The following FBXL7 variants were observed in gnomAD, a reference collection of about 807,000 sequenced individuals.
The protein encoded by FBXL7 is F-box and leucine rich repeat protein 7.
Under a neutral mutation model 38.3 loss-of-function variants are expected in FBXL7, and 12 were observed. The observed-to-expected ratio is 0.31, with a 90% CI of 0.20 to 0.51. The LOEUF (loss-of-function observed/expected upper bound fraction) is 0.51. Among genes scored for constraint, FBXL7 ranks in the 20% least tolerant of loss-of-function variants. The probability of loss-of-function intolerance (pLI) is 0.98; values close to 1 mark genes in which losing one functional copy is unlikely to be tolerated. For missense variants in FBXL7, 567 were observed against 676.4 expected (o/e 0.84, Z 1.79); for synonymous variants, 297 against 300.9 (o/e 0.99, Z 0.13).
intron 2 of FBXL7, among the ~76,000 whole-genome samples, chr5:15,734,392 C>G (rs1396235842): frequency 1.3e-5 from 2 of 152,228 alleles, no homozygotes; most frequent in Admixed American, 1.3e-4. Context: ...CTAAATGTTA[C>G]TAGCTGATTA....
chr5:15,760,700 G>T (rs1736418854), intron 2 of FBXL7, among the ~76,000 whole-genome samples: 2 of 152,182 alleles, frequency 1.3e-5, no homozygotes, highest in Admixed American at 1.3e-4. Context: ...AGTCTGGAAG[G>T]TAGAGAGCAA....
intron 1 of FBXL7, among the ~76,000 whole-genome samples, chr5:15,608,744 A>G (rs1048542477): frequency 1.3e-5 from 2 of 152,176 alleles, no homozygotes; most frequent in African/African-American, 4.8e-5. Flanking sequence ...CCAGCCTGCT[A>G]GTATAACCCA....
At chr5:15,721,746 T>G (rs1744199838) in intron 2 of FBXL7, among the ~76,000 whole-genome samples, 1 of 152,166 alleles carries the variant, frequency 6.6e-6, no homozygotes, top group Non-Finnish European at 1.5e-5. Context: ...TTTCCTCATT[T>G]TTAGTGTCTG....
intron 1 of FBXL7, among the ~76,000 whole-genome samples, chr5:15,553,615 C>A (rs77149792): frequency 6.6e-6 from 1 of 152,164 alleles, no homozygotes; most frequent in African/African-American, 2.4e-5. Context: ...ATGAATAAAT[C>A]TCTGTTTTAC....
At chr5:15,687,341 C>T (rs1579378177) in intron 2 of FBXL7, among the ~76,000 whole-genome samples, 1 of 152,154 alleles carries the variant, frequency 6.6e-6, no homozygotes, top group African/African-American at 2.4e-5. Context: ...TTTACAGAAT[C>T]CAAATTGTGG....
chr5:15,918,518 G>T (rs964772764), intron 2 of FBXL7, among the ~76,000 whole-genome samples: 1 of 152,150 alleles, frequency 6.6e-6, no homozygotes, highest in East Asian at 1.9e-4. Context: ...TGGCTTAAAC[G>T]TTTCCTTAGC....
At chr5:15,548,103 G>T (rs191458394) in intron 1 of FBXL7, among the ~76,000 whole-genome samples, 5 of 152,254 alleles carry the variant, frequency 3.3e-5, no homozygotes, top group Admixed American at 2.6e-4. Context: ...ATCAACAATA[G>T]ACTATCTTAG....
intron 1 of FBXL7, chr5:15,501,435 T>C: frequency 1.0e-6 from 1 of 985,550 alleles, no homozygotes; most frequent in Middle Eastern, 5.2e-4. Flanking sequence ...CCTCCCACTC[T>C]GCATAAAACC....
chr5:15,721,693 A>G (rs991685053), intron 2 of FBXL7, among the ~76,000 whole-genome samples: 61 of 152,140 alleles, frequency 4.0e-4, no homozygotes, highest in African/African-American at 1.2e-3. Context: ...GCTCTCCTTT[A>G]TAGTTTAACT....
chr5:15,528,368 A>G (rs1003787742), intron 1 of FBXL7, among the ~76,000 whole-genome samples: 2 of 152,098 alleles, frequency 1.3e-5, no homozygotes, highest in African/African-American at 2.4e-5. Context: ...CTTTCCTCAC[A>G]TCTTGGTTCT....
intron 1 of FBXL7, among the ~76,000 whole-genome samples, chr5:15,517,004 T>A (rs538133171): frequency 5.3e-4 from 80 of 152,128 alleles, no homozygotes; most frequent in Non-Finnish European, 1.0e-3. Flanking sequence ...TTGGGTTTTT[T>A]ATTTTTTTAT....
intron 2 of FBXL7, among the ~76,000 whole-genome samples, chr5:15,712,125 T>TTTTCA (rs1743893547): frequency 6.6e-6 from 1 of 152,148 alleles, no homozygotes; most frequent in East Asian, 1.9e-4. Context: ...AGGGGTTATC[T>TTTTCA]TTTCATCTGC....
At chr5:15,858,465 T>C (rs919099617) in intron 2 of FBXL7, among the ~76,000 whole-genome samples, 20 of 152,126 alleles carry the variant, frequency 1.3e-4, no homozygotes, top group Non-Finnish European at 1.2e-4. Flanking sequence ...GCTTAAGTCC[T>C]TCTGTGGTGG....
At chr5:15,656,091 G>C (rs1741873159) in intron 2 of FBXL7, among the ~76,000 whole-genome samples, 1 of 152,136 alleles carries the variant, frequency 6.6e-6, no homozygotes, top group South Asian at 2.1e-4. Flanking sequence ...TGTGCTTACT[G>C]TTGAGCTCAT....
At chr5:15,764,540 GA>G (rs1736534285) in intron 2 of FBXL7, among the ~76,000 whole-genome samples, 1 of 152,146 alleles carries the variant, frequency 6.6e-6, no homozygotes, top group Non-Finnish European at 1.5e-5. Flanking sequence ...CCGTGATGAG[GA>G]GGGATAGGAG....
At chr5:15,830,006 G>A (rs1009669978) in intron 2 of FBXL7, among the ~76,000 whole-genome samples, 3 of 152,082 alleles carry the variant, frequency 2.0e-5, no homozygotes, top group Admixed American at 1.3e-4. Flanking sequence ...GATGACAAAT[G>A]AGCAAAGAAA....
In FBXL7 at chr5:15,687,651, T is replaced by C. The variant is rs183449705; in HGVS notation, c.127+71579T>C. On this transcript the variant is annotated intron_variant, in intron 2 of 3. Coordinates refer to ENST00000504595, the MANE Select transcript of FBXL7 (RefSeq NM_012304.5). ...TTCAGCGGGAAATGGGAAGGGATGC[T>C]AATGACATGCAAGGCATAGAACAGT... Among the ~76,000 whole-genome samples, 306 of 152,314 alleles carry C rather than the reference T, an allele frequency of 2.0e-3. 1 individual carries two copies. The highest frequency in any genetic ancestry group is 7.0e-3 in the African/African-American group (290 of 41,570).
intron 2 of FBXL7, among the ~76,000 whole-genome samples, chr5:15,635,647 G>GA (rs1035602002): frequency 2.6e-5 from 4 of 152,200 alleles, no homozygotes; most frequent in Non-Finnish European, 4.4e-5. Context: ...GCTTTTTCAA[G>GA]AAATGCCTGT....
rs191428925 is a variant in FBXL7, at chr5:15,848,680, G to A, written c.128-79210G>A. ...CAAGCGTGAGCCACCATCCCCGGCC[G>A]CATGTTTAATGGAATCATTTAACTA... On this transcript the variant is annotated intron_variant, in intron 2 of 3. Coordinates refer to ENST00000504595, the MANE Select transcript of FBXL7 (RefSeq NM_012304.5). Among the ~76,000 whole-genome samples, 353 of 152,100 alleles carry A rather than the reference G, an allele frequency of 2.3e-3. 1 individual carries two copies. Among genetic ancestry groups the A allele is most frequent in the African/African-American group, 8.1e-3 (338 of 41,520 alleles).
Sources: gnomAD v4.1 joint callset for allele counts (sites outside exome capture counted in the v4.1 genomes callset) on GRCh38, gnomAD v4.1.1 for gene constraint, MANE v1.5 for transcripts, NCBI Gene and HGNC (gene_info 2026-07-23, HGNC 2026-07-21) for gene names.